ARHGAP30: variants seen among roughly 807,000 people sequenced by gnomAD.
ARHGAP30 encodes rho GTPase-activating protein 30.
ARHGAP30 carries 23 observed loss-of-function variants against 72.0 expected under a neutral mutation model. The ratio of observed to expected loss-of-function variants is 0.32; its 90% confidence interval spans 0.23 to 0.45. The LOEUF (loss-of-function observed/expected upper bound fraction) is 0.45. Ranked by LOEUF, ARHGAP30 falls within the 20% of genes least tolerant of loss-of-function variation. The probability of loss-of-function intolerance (pLI) is 1.00; values close to 1 mark genes in which losing one functional copy is unlikely to be tolerated. For missense variants in ARHGAP30, 1,319 were observed against 1,383.4 expected (o/e 0.95, Z 0.74); for synonymous variants, 576 against 528.2 (o/e 1.09, Z -1.24).
chr1:161,048,426 T>A lies in ARHGAP30; in HGVS notation c.2595A>T (p.Ser865=). The change falls in exon 12 of 12, where the codon TCA becomes TCT. Residue 865 remains serine, a synonymous_variant. Coordinates refer to ENST00000368013, the MANE Select transcript of ARHGAP30 (RefSeq NM_001025598.2). ...YLEEDTLSEG[S]GVASLEVDCA... is the part of the protein sequence containing the mutation. ...AGTCAACCTCCAGGGACGCTACACCTGAACCTTCAGAGAGGGTGTCCTCTT... is the reference window on the plus strand; with the variant it reads ...AGTCAACCTCCAGGGACGCTACACCAGAACCTTCAGAGAGGGTGTCCTCTT... The A allele has an allele frequency of 6.2e-7, 1 of 1,614,130 alleles. No individual in the cohort carries two copies. Among genetic ancestry groups the A allele is most frequent in the Non-Finnish European group, 8.5e-7 (1 of 1,180,016 alleles).
At chr1:161,053,463 TC>T in intron 5 of ARHGAP30, 78 bp from the exon 6 acceptor site, 2 of 296,960 alleles carry the variant, frequency 6.7e-6, no homozygotes, top group Non-Finnish European at 8.8e-6. Context: ...AATACCTTAT[TC>T]TCTCTCTCTC....
intron 1 of ARHGAP30, among the ~76,000 whole-genome samples, chr1:161,067,873 A>C (rs1173958854): frequency 1.3e-5 from 2 of 152,160 alleles, no homozygotes; most frequent in Non-Finnish European, 2.9e-5. Context: ...TGTACCAGGA[A>C]GACCTGAGGG....
intron 1 of ARHGAP30, among the ~76,000 whole-genome samples, chr1:161,068,914 C>T (rs978094538): frequency 4.6e-5 from 7 of 152,150 alleles, no homozygotes; most frequent in African/African-American, 9.7e-5. Context: ...TTGCCCCCCA[C>T]TTTGAACCTG....
chr1:161,064,846 AAAGGAAAGG>A (rs1354009131), intron 1 of ARHGAP30, among the ~76,000 whole-genome samples: 47 of 80,018 alleles, frequency 5.9e-4, no homozygotes, highest in African/African-American at 1.4e-3. Context: ...AGAAAGAAAG[AAAGGAAAGG>A]AAGGAGAGGA....
chr1:161,053,395 T>C lies in ARHGAP30; in HGVS notation c.537-10A>G, dbSNP rs755260150. On this transcript the variant is annotated splice_polypyrimidine_tract_variant and intron_variant, in intron 5 of 11. Transcript: ENST00000368013. The stretch of plus-strand genomic sequence containing the variant: ...CTCTATGTCCTTAGACCTGTGGAGA[T>C]GTGGAATTATTCTCCCCCTCAGCCC... 1.3e-4 allele frequency: 214 copies of C among 1,612,244 alleles called. No homozygotes were observed. Among genetic ancestry groups the C allele is most frequent in the Non-Finnish European group, 1.8e-4 (209 of 1,179,296 alleles).
intron 6 of ARHGAP30, chr1:161,053,013 A>G (rs1406918069): frequency 2.4e-6 from 2 of 842,960 alleles, no homozygotes; most frequent in South Asian, 1.8e-5. Context: ...CTGGGGGTGG[A>G]TATGAGCCAT....
At chr1:161,066,644 CAAAAAAAAAAA>C (rs60662116) in intron 1 of ARHGAP30, among the ~76,000 whole-genome samples, 17 of 75,094 alleles carry the variant, frequency 2.3e-4, no homozygotes, top group Admixed American at 3.3e-4. Context: ...GACTGCATCT[CAAAAAAAAAAA>C]AAAAAAAAAA....
intron 5 of ARHGAP30, among the ~76,000 whole-genome samples, chr1:161,053,976 G>A (rs935666048): frequency 2.0e-5 from 3 of 152,186 alleles, no homozygotes; most frequent in African/African-American, 7.2e-5. Context: ...GCTGAGGCAC[G>A]AGAATCCCTT....
chr1:161,064,834 AAAGAAAG>A (rs1652628332), intron 1 of ARHGAP30, among the ~76,000 whole-genome samples: 2 of 51,586 alleles, frequency 3.9e-5, no homozygotes, highest in African/African-American at 1.2e-4. Flanking sequence ...AAAGAAAGAG[AAAGAAAG>A]AAAGAAAGGA....
Position 161,048,794 on chromosome 1 carries a change from T to C in ARHGAP30, c.2227A>G (p.Thr743Ala). ...TCAATTTCTTTTTCCTTCTCATCTGTATACTCATCTCCTCCTGGTTCCTCC... is the reference window on the plus strand; with the variant it reads ...TCAATTTCTTTTTCCTTCTCATCTGCATACTCATCTCCTCCTGGTTCCTCC... ...GVEEPGGDEY[T>A]DEKEKEIERE... Residue 743 changes from threonine (T) to alanine (A), a missense_variant, in exon 12 of 12, where the codon ACA becomes GCA. By Grantham distance (58) the Thr-to-Ala change is moderately conservative (BLOSUM62 0). Transcript: ENST00000368013. 1 of 1,614,160 alleles carries C rather than the reference T, an allele frequency of 6.2e-7. No homozygotes were observed. Among genetic ancestry groups the C allele is most frequent in the Non-Finnish European group, 8.5e-7 (1 of 1,180,030 alleles).
chr1:161,048,360 C>G lies in ARHGAP30; in HGVS notation c.2661G>C (p.Glu887Asp). The G allele has an allele frequency of 6.2e-7, 1 of 1,614,160 alleles. No homozygotes were observed. The highest frequency in any genetic ancestry group is 8.5e-7 in the Non-Finnish European group (1 of 1,180,034). ...EGNPHSSEMEEVAPQPPQPEE... is the reference protein window; with the variant it reads ...EGNPHSSEMEDVAPQPPQPEE... ...CTGGCTGAGGTGGCTGTGGGGCTAC[C>G]TCTTCCATCTCAGAAGAGTGAGGAT... The change falls in exon 12 of 12, where the codon GAG becomes GAC. Residue 887 changes from glutamate (E) to aspartate (D), a missense_variant. Transcript: ENST00000368013.
intron 1 of ARHGAP30, among the ~76,000 whole-genome samples, chr1:161,062,021 G>A (rs919256438): frequency 6.6e-6 from 1 of 152,058 alleles, no homozygotes; most frequent in African/African-American, 2.4e-5. Flanking sequence ...CCGGGAGGTG[G>A]AGGTTGCAAT....
chr1:161,053,999 C>A (rs1033951033), intron 5 of ARHGAP30, among the ~76,000 whole-genome samples: 1 of 152,146 alleles, frequency 6.6e-6, no homozygotes, highest in Non-Finnish European at 1.5e-5. Flanking sequence ...ACCCAGGAAG[C>A]GGAGTTTGCA....
At position 161,069,348 on chromosome 1, in the gene ARHGAP30, C is replaced by G. The variant is rs530505429; in HGVS notation, c.97+180G>C. On this transcript the variant is annotated intron_variant, in intron 1 of 11. Transcript: ENST00000368013. This position sits in a 1 kb window ranked among gnomAD's most constrained non-coding sequence, Gnocchi z 4.9. ...AAAGTTACACAAGGGAGCCGCCCTG[C>G]CTTCTTCACTGAGCCACATTTCCTG... 1.1e-4 allele frequency among the ~76,000 whole-genome samples: 17 copies of G among 152,282 alleles called. No homozygotes were observed. The highest frequency in any genetic ancestry group is 3.4e-4 in the African/African-American group (14 of 41,568).
intron 10 of ARHGAP30, 35 bp from the exon 11 acceptor site, chr1:161,049,724 G>A: frequency 2.5e-6 from 4 of 1,596,870 alleles, no homozygotes; most frequent in Non-Finnish European, 3.4e-6. Context: ...GAATACAAAG[G>A]TCAAGCCCTG....
intron 1 of ARHGAP30, among the ~76,000 whole-genome samples, chr1:161,067,806 T>C (rs1652877594): frequency 6.6e-6 from 1 of 151,990 alleles, no homozygotes; most frequent in African/African-American, 2.4e-5. Context: ...GATGTTGGAT[T>C]AAAGAGAGGA....
chr1:161,063,245 G>A (rs1305251914), intron 1 of ARHGAP30, among the ~76,000 whole-genome samples: 1 of 152,242 alleles, frequency 6.6e-6, no homozygotes, highest in Non-Finnish European at 1.5e-5. Context: ...CTCAATGAAT[G>A]TTTGTGAAAT....
chr1:161,052,246 G>A, intron 9 of ARHGAP30, 40 bp downstream of exon 9: 1 of 1,606,554 alleles, frequency 6.2e-7, no homozygotes, highest in Non-Finnish European at 8.5e-7. Flanking sequence ...TGGTCACATA[G>A]CACACACACA....
At chr1:161,066,348 A>C (rs905839469) in intron 1 of ARHGAP30, among the ~76,000 whole-genome samples, 1 of 150,168 alleles carries the variant, frequency 6.7e-6, no homozygotes, top group African/African-American at 2.5e-5. Context: ...TACCTCCTTG[A>C]GAATGAGGCA....
Sources: allele counts gnomAD v4.1 joint callset (sites outside exome capture counted in the v4.1 genomes callset), GRCh38; gene constraint gnomAD v4.1.1; non-coding constraint Gnocchi (gnomAD v3.1); transcripts MANE v1.5; gene names NCBI Gene and HGNC (gene_info 2026-07-23, HGNC 2026-07-21).